ALS2CL: variants seen among roughly 807,000 people sequenced by gnomAD.
ALS2CL encodes the protein ALS2 C-terminal like.
In ALS2CL, 112 loss-of-function variants were observed where a neutral mutation model predicts 127.9. The observed-to-expected ratio is 0.88, with a 90% CI of 0.75 to 1.02. The LOEUF is 1.02. Ranked by LOEUF, ALS2CL falls within the 50% of genes least tolerant of loss-of-function variation. The pLI, the probability that ALS2CL is intolerant of heterozygous loss-of-function variation, is 0.00. For synonymous variants in ALS2CL, 519 were observed against 527.6 expected (o/e 0.98, Z 0.22); for missense variants, 1,174 against 1,236.7 (o/e 0.95, Z 0.76).
Position 46,676,300 on chromosome 3 carries a change from C to T in ALS2CL, c.2131G>A (p.Glu711Lys), listed in dbSNP as rs948334223. Residue 711 changes from glutamate (E) to lysine (K), a missense_variant, in exon 19 of 26, where the codon GAG (glutamate) becomes AAG (lysine). Physicochemically the swap from Glu to Lys is moderately conservative, Grantham distance 56. Coordinates refer to ENST00000318962, the MANE Select transcript of ALS2CL (RefSeq NM_147129.5). The stretch of plus-strand genomic sequence containing the variant: ...TGCTTCACCTCCTCCTGGGCCAGCT[C>T]CTGCAGGTGCTTGTTGGCCCCGACA... ...AGVGANKHLQ[E>K]LAQEEVKQHA... 20 of 1,613,676 alleles carry T rather than the reference C, an allele frequency of 1.2e-5. No individual in the cohort carries two copies. The Admixed American group carries it at 2.3e-4, about 19-fold the overall frequency.
intron 20 of ALS2CL, chr3:46,675,144 T>A: frequency 4.8e-6 from 1 of 208,208 alleles, no homozygotes; most frequent in Non-Finnish European, 9.6e-6. Context: ...CCTTGCCTCC[T>A]GCAAGGCAGT....
intron 16 of ALS2CL, among the ~76,000 whole-genome samples, chr3:46,677,770 G>A (rs1411374876): frequency 6.6e-6 from 1 of 152,190 alleles, no homozygotes; most frequent in African/African-American, 2.4e-5. Context: ...TACAGGAAAA[G>A]AAGTCTATCC....
In ALS2CL at chr3:46,687,066, C is replaced by T. The variant is rs556037923; in HGVS notation, c.451G>A (p.Gly151Ser). 4.1e-5 allele frequency: 66 copies of T among 1,597,134 alleles called. No individual in the cohort carries two copies. The South Asian group carries it at 7.3e-4, about 18-fold the overall frequency. Residue 151 changes from glycine to serine, a missense_variant, in exon 5 of 26, where the codon GGC becomes AGC. Transcript: ENST00000318962. ...GCGAGTGGCTGGTGGAGGGCCTGGC[C>T]CAGCGATGCGCCCACCGAGCCCTCT... is the stretch of plus-strand genomic sequence containing the variant. ...SSEGSVGASL[G>S]QALHQPLAHH...
chr3:46,684,363 G>A (rs1016949660), intron 7 of ALS2CL, among the ~76,000 whole-genome samples: 3 of 151,946 alleles, frequency 2.0e-5, no homozygotes, highest in African/African-American at 7.3e-5. Context: ...CTACTGCCTG[G>A]GGGTTGAGAC....
rs1414048081 is a variant in ALS2CL at position 46,681,673 on chromosome 3, G to C, written c.1176-75C>G. 3 of 1,435,774 alleles carry C rather than the reference G, an allele frequency of 2.1e-6. No individual in the cohort carries two copies. The highest frequency in any genetic ancestry group is 2.8e-5 in the African/African-American group (2 of 71,232). The allele number at this position is 1,435,774 out of a possible 1,614,324, so 88.9% of individuals were successfully genotyped here. ...ATTACACCTACTCCATGCCACCCAG[G>C]AGTATCCCTGCCCCCAAGGAGCCTT... On this transcript the variant is annotated intron_variant, in intron 11 of 25. Transcript: ENST00000318962. The surrounding 1 kb of genome is among the most constrained non-coding windows in gnomAD (Gnocchi z 4.9).
intron 9 of ALS2CL, 21 bp from the exon 10 acceptor site, chr3:46,683,347 G>A (rs1575436657): frequency 6.4e-7 from 1 of 1,565,682 alleles, no homozygotes. Context: ...GGGGAACATG[G>A]GGAAGGGGAT....
Position 46,683,857 on chromosome 3 carries a change from AC to A in ALS2CL, c.846-10del. ...GGAGGTGAAACGTGCACCTAGACAG[AC>A]GGAGGTGATGAGTAGGCCCCAGCTT... On this transcript the variant is annotated splice_polypyrimidine_tract_variant and intron_variant, in intron 8 of 25. Transcript: ENST00000318962. The A allele has an allele frequency of 2.5e-6, 4 of 1,614,146 alleles. No homozygotes were observed. Among genetic ancestry groups the A allele is most frequent in the Non-Finnish European group, 3.4e-6 (4 of 1,180,000 alleles).
rs753944851 is a variant in ALS2CL at position 46,681,047 on chromosome 3, G to C, written c.1436+199C>G. 1.6e-5 allele frequency: 13 copies of C among 821,370 alleles called. No individual in the cohort carries two copies. Among genetic ancestry groups the C allele is most frequent in the Non-Finnish European group, 2.4e-5 (12 of 498,906 alleles). 50.9% of individuals were successfully genotyped at this position (821,370 alleles called of 1,614,324 possible). ...CCAACACCATGAGGAGGGGTGAGGGGCGGGGGCGACCCTGCAGTCAGCGTG... is the reference window on the plus strand; with the variant it reads ...CCAACACCATGAGGAGGGGTGAGGGCCGGGGGCGACCCTGCAGTCAGCGTG... On this transcript the variant is annotated intron_variant, in intron 13 of 25. Coordinates refer to ENST00000318962, the MANE Select transcript of ALS2CL (RefSeq NM_147129.5). The surrounding 1 kb of genome is among the most constrained non-coding windows in gnomAD (Gnocchi z 4.9).
In ALS2CL at chr3:46,674,500, G is replaced by A. The variant is rs573368756; in HGVS notation, c.2429+66C>T. 5 of 1,554,220 alleles carry A rather than the reference G, an allele frequency of 3.2e-6. No homozygotes were observed. In the South Asian group the frequency reaches 6.2e-5, roughly 19 times the overall value. On this transcript the variant is annotated intron_variant, in intron 21 of 25. Transcript: ENST00000318962. ...CCTATCAACCCCAGCCCCACCTTTT[G>A]GCTGAAGACAGTCTGAGTCGAGTTT...
Position 46,681,126 on chromosome 3 carries a change from G to T in ALS2CL, c.1436+120C>A, listed in dbSNP as rs757503607. 5 of 1,481,820 alleles carry T rather than the reference G, an allele frequency of 3.4e-6. No individual in the cohort carries two copies. The highest frequency in any genetic ancestry group is 2.3e-5 in the East Asian group (1 of 44,066). The allele number at this position is 1,481,820 out of a possible 1,614,324, so 91.8% of individuals were successfully genotyped here. A position where few individuals can be genotyped will look rare whatever the true frequency, so the allele number is the denominator to read the frequency against. ...CAGCAACCGAGGGACTGGAGGGGAA[G>T]TGAGGGGCTTAAGAGAGACACAGTG... On this transcript the variant is annotated intron_variant, in intron 13 of 25. Transcript: ENST00000318962. The surrounding 1 kb of genome is among the most constrained non-coding windows in gnomAD (Gnocchi z 4.9).
chr3:46,683,414 C>T lies in ALS2CL; in HGVS notation c.913-88G>A, dbSNP rs1375036137. Reference sequence around the variant, plus strand: ...CCTTCTGGGGTAGCTCCAGGTACCACCCCCTCCACCCTCCACCTCCTACTC... The same window carrying T: ...CCTTCTGGGGTAGCTCCAGGTACCATCCCCTCCACCCTCCACCTCCTACTC... On this transcript the variant is annotated intron_variant, in intron 9 of 25. Transcript: ENST00000318962. 8 of 1,287,808 alleles carry T rather than the reference C, an allele frequency of 6.2e-6. No homozygotes were observed. The East Asian group carries it at 1.5e-4, about 24-fold the overall frequency. The allele number at this position is 1,287,808 out of a possible 1,614,324, so 79.8% of individuals were successfully genotyped here.
At chr3:46,682,572 T>C (rs1472753473) in intron 10 of ALS2CL, among the ~76,000 whole-genome samples, 1 of 152,036 alleles carries the variant, frequency 6.6e-6, no homozygotes, top group Non-Finnish European at 1.5e-5. Flanking sequence ...GCTCTCTGGG[T>C]CTGTTTTCCC....
chr3:46,685,464 T>C, intron 7 of ALS2CL, 61 bp downstream of exon 7: 1 of 1,590,168 alleles, frequency 6.3e-7, no homozygotes, highest in Non-Finnish European at 8.6e-7. Context: ...ACTGCTCCTT[T>C]TCCAGCCAGA....
rs369433255 is a variant in ALS2CL, at chr3:46,678,368, C to T, written c.1648G>A (p.Gly550Ser). ...CCGAACGAGCCCTCCAGGGTGAAGC[C>T]ATTGGGGAAGGTGACCTTGCCCTGG... is the stretch of plus-strand genomic sequence containing the variant. ...MGKGKVTFPN[G>S]FTLEGSFGSG... Residue 550 changes from glycine (G) to serine (S), a missense_variant, in exon 16 of 26, where the codon GGC (glycine) becomes AGC (serine). Transcript: ENST00000318962. 2 of 1,612,738 alleles carry T rather than the reference C, an allele frequency of 1.2e-6. No homozygotes were observed. Among genetic ancestry groups the T allele is most frequent in the Admixed American group, 1.7e-5 (1 of 59,964 alleles).
rs1222960377 is a variant in ALS2CL, at chr3:46,686,271, A to G, written c.666+37T>C. ...CCAACATCTCCATGCCCAATGTGGA[A>G]CCCCCTCCCTAACTGCCCCTCAGGC... On this transcript the variant is annotated intron_variant, in intron 6 of 25. Coordinates refer to ENST00000318962, the MANE Select transcript of ALS2CL (RefSeq NM_147129.5). This position sits in a 1 kb window ranked among gnomAD's most constrained non-coding sequence, Gnocchi z 4.3. The G allele has an allele frequency of 1.3e-6, 2 of 1,571,124 alleles. No individual in the cohort carries two copies. The highest frequency in any genetic ancestry group is 2.3e-5 in the East Asian group (1 of 43,886).
chr3:46,674,519 C>T lies in ALS2CL; in HGVS notation c.2429+47G>A, dbSNP rs116548407. On this transcript the variant is annotated intron_variant, in intron 21 of 25. Coordinates refer to ENST00000318962, the MANE Select transcript of ALS2CL (RefSeq NM_147129.5). ...CCTTTTGGCTGAAGACAGTCTGAGTCGAGTTTGAGTCCTGGCTAACACGGC... is the reference window on the plus strand; with the variant it reads ...CCTTTTGGCTGAAGACAGTCTGAGTTGAGTTTGAGTCCTGGCTAACACGGC... 7.8e-4 allele frequency: 1,223 copies of T among 1,578,046 alleles called. 10 individuals are homozygous for T. In the African/African-American group the frequency reaches 0.014, roughly 19 times the overall value.
Position 46,675,675 on chromosome 3 carries a change from C to G in ALS2CL, c.2198G>C (p.Arg733Pro), listed in dbSNP as rs139670900. 6.2e-7 allele frequency: 1 copy of G among 1,613,728 alleles called. No individual in the cohort carries two copies. Among genetic ancestry groups the G allele is most frequent in the East Asian group, 2.2e-5 (1 of 44,876 alleles). Residue 733 changes from arginine to proline, a missense_variant, in exon 20 of 26, where the codon CGA (arginine) becomes CCA (proline). Physicochemically the swap from Arg to Pro is moderately radical, Grantham distance 103. Transcript: ENST00000318962. Reference sequence around the variant, plus strand: ...CTGGCCCTTGCGCTCTAAGGCAACTCGCAGCAGACCCCTGTGAGTCAATGA... The same window carrying G: ...CTGGCCCTTGCGCTCTAAGGCAACTGGCAGCAGACCCCTGTGAGTCAATGA... ...ELWAAYRGLL[R>P]VALERKGQAL...
At chr3:46,687,390 G>A (rs552180284) in intron 4 of ALS2CL, among the ~76,000 whole-genome samples, 5 of 152,314 alleles carry the variant, frequency 3.3e-5, no homozygotes, top group African/African-American at 7.2e-5. Flanking sequence ...CTCCTTCCCC[G>A]CCCCAAGGCC....
intron 8 of ALS2CL, 43 bp from the exon 9 acceptor site, chr3:46,683,891 G>A (rs1256294376): frequency 1.2e-6 from 2 of 1,613,764 alleles, no homozygotes; most frequent in Admixed American, 1.7e-5. Context: ...CTTTGTCCAG[G>A]AGGGTGGAGG....
Sources: allele counts gnomAD v4.1 joint callset (sites outside exome capture counted in the v4.1 genomes callset), GRCh38; gene constraint gnomAD v4.1.1; non-coding constraint Gnocchi (gnomAD v3.1); transcripts MANE v1.5; gene names NCBI Gene and HGNC (gene_info 2026-07-23, HGNC 2026-07-21).